TDRD5: variants seen among roughly 807,000 people sequenced by gnomAD.
The protein encoded by TDRD5 is tudor domain-containing protein 5.
A neutral mutation model predicts 120.6 loss-of-function variants in TDRD5; 41 were observed. That is an observed-to-expected ratio of 0.34 (90% CI 0.26 to 0.44). The LOEUF is 0.44. TDRD5 is among the 20% of genes least tolerant of loss of function. TDRD5 has a pLI of 1.00. For synonymous variants in TDRD5, 430 were observed against 433.7 expected (o/e 0.99, Z 0.11); for missense variants, 1,006 against 1,221.2 (o/e 0.82, Z 2.63).
chr1:179,669,294 A>G lies in TDRD5; in HGVS notation c.2750A>G (p.Gln917Arg). The part of the protein sequence containing the change: ...TQSEQSADGS[Q>R]SEPNNSQTQP... ...TCAGAGCAGTCAGCAGACGGGAGCC[A>G]GTCTGAACCCAACAACAGTCAGACT... Residue 917 changes from glutamine (Q) to arginine (R), a missense_variant, in exon 17 of 18, where the codon CAG (glutamine) becomes CGG (arginine). Transcript: ENST00000444136. The G allele has an allele frequency of 1.9e-6, 3 of 1,614,214 alleles. No homozygotes were observed. Among genetic ancestry groups the G allele is most frequent in the Non-Finnish European group, 2.5e-6 (3 of 1,180,036 alleles).
intron 4 of TDRD5, among the ~76,000 whole-genome samples, chr1:179,605,446 T>C (rs1275011644): frequency 6.6e-6 from 1 of 152,138 alleles, no homozygotes; most frequent in African/African-American, 2.4e-5. Context: ...AACAATGAGG[T>C]CTCTCAGCCG....
At position 179,612,081 on chromosome 1, in the gene TDRD5, G is replaced by A. The variant is rs113539781; in HGVS notation, c.832-6518G>A. 8.3e-3 allele frequency among the ~76,000 whole-genome samples: 1,261 copies of A among 152,172 alleles called. 10 individuals carry two copies. The highest frequency in any genetic ancestry group is 0.015 in the Non-Finnish European group (986 of 67,998). On this transcript the variant is annotated intron_variant, in intron 4 of 17. Transcript: ENST00000444136. Reference sequence around the variant, plus strand: ...AAACTCTACAAGTTTGTGTTTTTATGTGCATAGAAAAATATATTACAAAAT... The same window carrying A: ...AAACTCTACAAGTTTGTGTTTTTATATGCATAGAAAAATATATTACAAAAT...
chr1:179,618,585 T>C lies in TDRD5; in HGVS notation c.832-14T>C. 6.4e-7 allele frequency: 1 copy of C among 1,571,830 alleles called. No homozygotes were observed. Among genetic ancestry groups the C allele is most frequent in the Non-Finnish European group, 8.6e-7 (1 of 1,165,308 alleles). ...GGGGGACTGTGACTTGACTTTTTTT[T>C]TCTTTTTTCATAGCTGGAGAACACA... is the stretch of plus-strand genomic sequence containing the variant. On this transcript the variant is annotated splice_polypyrimidine_tract_variant and intron_variant, in intron 4 of 17. Transcript: ENST00000444136.
At chr1:179,676,203 A>C (rs934132273) in intron 17 of TDRD5, among the ~76,000 whole-genome samples, 1 of 152,168 alleles carries the variant, frequency 6.6e-6, no homozygotes, top group African/African-American at 2.4e-5. Context: ...TTTGCATGGA[A>C]TATCTTTTTC....
intron 6 of TDRD5, among the ~76,000 whole-genome samples, chr1:179,628,319 C>CTTTTTT (rs1282761458): frequency 1.3e-5 from 1 of 76,342 alleles, no homozygotes; most frequent in African/African-American, 5.4e-5. Flanking sequence ...CTTTTCTTTT[C>CTTTTTT]TTTTCTTTTT....
intron 16 of TDRD5, among the ~76,000 whole-genome samples, chr1:179,668,255 T>C (rs1432950600): frequency 6.6e-6 from 1 of 152,220 alleles, no homozygotes; most frequent in African/African-American, 2.4e-5. Flanking sequence ...TTGTCCCTTC[T>C]GAGGAGCATG....
At chr1:179,677,250 A>G (rs1044092187) in intron 17 of TDRD5, among the ~76,000 whole-genome samples, 6 of 151,796 alleles carry the variant, frequency 4.0e-5, no homozygotes, top group African/African-American at 1.2e-4. Context: ...TTTTTCTTTC[A>G]TATCCTGTAT....
chr1:179,593,598 G>A lies in TDRD5; in HGVS notation c.371G>A (p.Arg124Gln), dbSNP rs769538996. Residue 124 changes from arginine (R) to glutamine (Q), a missense_variant, in exon 3 of 18, where the codon CGA becomes CAA. By Grantham distance (43) the Arg-to-Gln change is conservative. Coordinates refer to ENST00000444136, the MANE Select transcript of TDRD5 (RefSeq NM_001199085.3). Reference protein sequence around the residue: ...GPRSHRRVPYRGRVAPILPAV... With the variant: ...GPRSHRRVPYQGRVAPILPAV... ...AGATCTCATCGGCGAGTACCTTACC[G>A]AGGAAGGGTTGCCCCTATTCTTCCA... The A allele has an allele frequency of 1.2e-6, 2 of 1,614,218 alleles. No homozygotes were observed. Among genetic ancestry groups the A allele is most frequent in the Non-Finnish European group, 1.7e-6 (2 of 1,180,036 alleles).
rs1472927299 is a variant in TDRD5, at chr1:179,650,932, G to A, written c.1866G>A (p.Gly622=). The A allele has an allele frequency of 1.2e-6, 2 of 1,613,990 alleles. No individual in the cohort carries two copies. The highest frequency in any genetic ancestry group is 2.2e-5 in the East Asian group (1 of 44,876). ...QKLCGLKPLV[G]VVDEYVDGIL... ...TGTGCGGTTTGAAGCCATTAGTGGG[G>A]GTAGTGGATGAATATGTAGATGGAA... is the stretch of plus-strand genomic sequence containing the variant. The change falls in exon 12 of 18, where the codon GGG becomes GGA. Residue 622 remains glycine, a synonymous_variant. Coordinates refer to ENST00000444136, the MANE Select transcript of TDRD5 (RefSeq NM_001199085.3).
chr1:179,625,327 C>G (rs1572361854), intron 6 of TDRD5, among the ~76,000 whole-genome samples: 2 of 152,036 alleles, frequency 1.3e-5, no homozygotes, highest in Non-Finnish European at 2.9e-5. Context: ...GATAATGAGA[C>G]TTCATCAAAA....
chr1:179,678,077 C>T (rs762449069), intron 17 of TDRD5, among the ~76,000 whole-genome samples: 3 of 150,632 alleles, frequency 2.0e-5, no homozygotes, highest in Admixed American at 1.3e-4. Flanking sequence ...GGGCTTGCTG[C>T]GGCTGCTATG....
At chr1:179,644,443 A>G (rs1351881601) in intron 11 of TDRD5, among the ~76,000 whole-genome samples, 1 of 152,196 alleles carries the variant, frequency 6.6e-6, no homozygotes, top group East Asian at 1.9e-4. Flanking sequence ...AAATTATTCA[A>G]AAGTTTAATT....
intron 11 of TDRD5, among the ~76,000 whole-genome samples, chr1:179,641,373 T>C (rs1036739756): frequency 6.6e-5 from 10 of 151,928 alleles, no homozygotes; most frequent in African/African-American, 2.2e-4. Context: ...CTACTAAAAA[T>C]ACAAAAAATA....
chr1:179,651,789 T>C (rs896526885), intron 12 of TDRD5, among the ~76,000 whole-genome samples: 3 of 151,994 alleles, frequency 2.0e-5, no homozygotes, highest in African/African-American at 7.2e-5. Context: ...GGCACGTGCC[T>C]GTAGTCCCAG....
intron 17 of TDRD5, among the ~76,000 whole-genome samples, chr1:179,669,614 C>T (rs4652434): frequency 0.34 from 51,331 of 151,714 alleles, 8,895 homozygotes; most frequent in Admixed American, 0.42. Flanking sequence ...GTTTTTTTGC[C>T]GGAGGGGTGG....
At position 179,593,851 on chromosome 1, in the gene TDRD5, G is replaced by A. The variant is rs1453107837; in HGVS notation, c.624G>A (p.Pro208=). The A allele has an allele frequency of 1.9e-6, 3 of 1,612,888 alleles. No homozygotes were observed. Among genetic ancestry groups the A allele is most frequent in the Admixed American group, 1.7e-5 (1 of 59,898 alleles). Reference sequence around the variant, plus strand: ...AGAAGAGTGTAACAGAGGAAAAGCCGAGAGGATGTCCAGCAGGTACGCATG... The same window carrying A: ...AGAAGAGTGTAACAGAGGAAAAGCCAAGAGGATGTCCAGCAGGTACGCATG... ...MLKKSVTEEK[P]RGCPAGKIFT... The change falls in exon 3 of 18, where the codon CCG becomes CCA. Residue 208 remains proline, a synonymous_variant. Transcript: ENST00000444136.
chr1:179,611,875 A>G (rs148137347), intron 4 of TDRD5, among the ~76,000 whole-genome samples: 6 of 152,322 alleles, frequency 3.9e-5, no homozygotes, highest in South Asian at 2.1e-4. Flanking sequence ...TTTTGCCACC[A>G]GAACAATTTA....
At chr1:179,673,581 A>G (rs550040395) in intron 17 of TDRD5, among the ~76,000 whole-genome samples, 5 of 152,228 alleles carry the variant, frequency 3.3e-5, no homozygotes, top group Non-Finnish European at 5.9e-5. Context: ...GGTCTGGAAG[A>G]TGGAACAACT....
At chr1:179,678,818 G>C (rs113174436) in intron 17 of TDRD5, among the ~76,000 whole-genome samples, 3,191 of 151,996 alleles carry the variant, frequency 0.021, 98 homozygotes, top group African/African-American at 0.071. Context: ...TTTCATATGT[G>C]GGGGAAAAAA....
Sources: gnomAD v4.1 joint callset for allele counts (sites outside exome capture counted in the v4.1 genomes callset) on GRCh38, gnomAD v4.1.1 for gene constraint, MANE v1.5 for transcripts, NCBI Gene and HGNC (gene_info 2026-07-23, HGNC 2026-07-21) for gene names.